SLC4A5: variants seen among roughly 807,000 people sequenced by gnomAD.
SLC4A5 encodes electrogenic sodium bicarbonate cotransporter 4.
SLC4A5 carries 96 observed loss-of-function variants against 120.4 expected under a neutral mutation model. The observed-to-expected ratio is 0.80, with a 90% CI of 0.68 to 0.94. The LOEUF is 0.94. SLC4A5 is among the 40% of genes least tolerant of loss of function. The pLI is 0.00. For synonymous variants in SLC4A5, 550 were observed against 571.1 expected (o/e 0.96, Z 0.53); for missense variants, 1,259 against 1,459.5 (o/e 0.86, Z 2.24).
At chr2:74,278,898 C>T (rs1174274596) in intron 8 of SLC4A5, among the ~76,000 whole-genome samples, 1 of 152,230 alleles carries the variant, frequency 6.6e-6, no homozygotes, top group Non-Finnish European at 1.5e-5. Context: ...GCTTACCTGG[C>T]TCATGTATAC....
intron 7 of SLC4A5, 59 bp downstream of exon 7, chr2:74,304,430 G>T: frequency 6.7e-7 from 1 of 1,491,198 alleles, no homozygotes. Flanking sequence ...GCCCTGCTGG[G>T]TCCCATCTGG....
At chr2:74,332,967 G>A (rs1053372281) in intron 4 of SLC4A5, among the ~76,000 whole-genome samples, 1 of 152,170 alleles carries the variant, frequency 6.6e-6, no homozygotes, top group Non-Finnish European at 1.5e-5. Context: ...TGGCACTGAA[G>A]TAAATGCTTG....
At chr2:74,296,189 G>A (rs1672317870) in intron 7 of SLC4A5, among the ~76,000 whole-genome samples, 1 of 152,064 alleles carries the variant, frequency 6.6e-6, no homozygotes, top group Non-Finnish European at 1.5e-5. Context: ...TGCAGTATAT[G>A]TTGAAAATTC....
At chr2:74,264,119 A>C in intron 10 of SLC4A5, 28 bp downstream of exon 10, 1 of 1,607,234 alleles carries the variant, frequency 6.2e-7, no homozygotes, top group Non-Finnish European at 8.5e-7. Context: ...TGCATGTCCC[A>C]TGCCTACCAG....
rs1670059569 is a variant in SLC4A5, at chr2:74,230,947, C to T, written c.2847+289G>A. Among the ~76,000 whole-genome samples, 5 of 152,158 alleles carry T rather than the reference C, an allele frequency of 3.3e-5. 1 individual carries two copies. In the South Asian group the frequency reaches 6.2e-4, roughly 19 times the overall value. ...TCAGCCTCCCGAGTAGCTGTGATTA[C>T]AGGCACGTGCCACCATGCCTGGTTA... On this transcript the variant is annotated intron_variant, in intron 25 of 30. Transcript: ENST00000394019.
At chr2:74,262,794 C>G (rs780815596) in intron 10 of SLC4A5, among the ~76,000 whole-genome samples, 23 of 152,062 alleles carry the variant, frequency 1.5e-4, no homozygotes, top group Non-Finnish European at 2.9e-4. Flanking sequence ...GTGTAGTAGA[C>G]TGCTTGGGTT....
intron 19 of SLC4A5, among the ~76,000 whole-genome samples, chr2:74,243,039 G>A (rs1009177346): frequency 6.6e-6 from 1 of 152,214 alleles, no homozygotes; most frequent in Non-Finnish European, 1.5e-5. Flanking sequence ...TGCAAGTTGA[G>A]GAAAGTTAAA....
In SLC4A5 at chr2:74,240,889, T is replaced by TA. The variant is rs1358367257; in HGVS notation, c.2118+1104dup. Among the ~76,000 whole-genome samples, 5 of 152,212 alleles carry TA rather than the reference T, an allele frequency of 3.3e-5. No individual in the cohort carries two copies. The East Asian group carries it at 7.7e-4, about 23-fold the overall frequency. On this transcript the variant is annotated intron_variant, in intron 20 of 30. Coordinates refer to ENST00000394019, the Ensembl canonical transcript of SLC4A5. ...ACTTAAGAAGCAACCTTGGAGACAG[T>TA]AAAAGCTCACAAATGTCCCCCAAGT...
chr2:74,281,425 G>T (rs924046641), intron 8 of SLC4A5, among the ~76,000 whole-genome samples: 1 of 152,152 alleles, frequency 6.6e-6, no homozygotes, highest in Non-Finnish European at 1.5e-5. Flanking sequence ...TAGAATTCTG[G>T]GTAAATAGTT....
rs746918908 is a variant in SLC4A5 at position 74,262,234 on chromosome 2, TG to T, written c.716-3del. ...CAGGGCTCCGGGCAGGACTGCGATCTGGGAGGAGAATCAGAAGGGACTTGGC... is the reference window on the plus strand; with the variant it reads ...CAGGGCTCCGGGCAGGACTGCGATCTGGAGGAGAATCAGAAGGGACTTGGC... On this transcript the variant is annotated splice_polypyrimidine_tract_variant and splice_region_variant and intron_variant, in intron 10 of 30. Transcript: ENST00000394019. The T allele has an allele frequency of 6.2e-7, 1 of 1,613,402 alleles. No homozygotes were observed. The highest frequency in any genetic ancestry group is 1.7e-5 in the Admixed American group (1 of 59,992).
intron 25 of SLC4A5, among the ~76,000 whole-genome samples, chr2:74,228,766 C>T (rs1051768704): frequency 6.6e-6 from 1 of 151,674 alleles, no homozygotes; most frequent in African/African-American, 2.4e-5. Context: ...TCATCACCAA[C>T]TAACCACCAA....
chr2:74,256,638 G>A (rs886411920), intron 12 of SLC4A5, among the ~76,000 whole-genome samples: 6 of 152,204 alleles, frequency 3.9e-5, no homozygotes, highest in Admixed American at 6.5e-5. Flanking sequence ...AGAGGTACTG[G>A]AGACAAGCCC....
At chr2:74,233,480 G>T (rs369807491) in exon 23 of SLC4A5, 2 of 1,614,202 alleles carry the variant, frequency 1.2e-6, no homozygotes, top group Non-Finnish European at 1.7e-6. Flanking sequence ...TCACCAGCAG[G>T]GCGGGCAGGA....
exon 19 of SLC4A5, chr2:74,247,178 G>A (rs1397385115): frequency 1.9e-6 from 3 of 1,614,240 alleles, no homozygotes; most frequent in Admixed American, 1.7e-5. Context: ...GGGTGGAGAA[G>A]CCCTCCTCGG....
chr2:74,249,991 A>T (rs907856582), intron 17 of SLC4A5, among the ~76,000 whole-genome samples: 2 of 152,196 alleles, frequency 1.3e-5, no homozygotes, highest in African/African-American at 4.8e-5. Flanking sequence ...GTTAGTTTTT[A>T]AAAAGTGTGG....
intron 7 of SLC4A5, among the ~76,000 whole-genome samples, chr2:74,298,719 T>C (rs1018606058): frequency 1.3e-5 from 2 of 151,988 alleles, no homozygotes; most frequent in Admixed American, 6.6e-5. Context: ...CTCATACAAC[T>C]CAATAGCAAA....
chr2:74,230,141 T>A (rs1219383942), intron 25 of SLC4A5, among the ~76,000 whole-genome samples: 2 of 152,048 alleles, frequency 1.3e-5, no homozygotes, highest in Non-Finnish European at 2.9e-5. Context: ...TGCCTGGTCA[T>A]GAGCTGTTTT....
intron 24 of SLC4A5, among the ~76,000 whole-genome samples, chr2:74,232,162 A>T (rs1230907591): frequency 1.3e-5 from 2 of 152,200 alleles, no homozygotes; most frequent in Admixed American, 1.3e-4. Context: ...GGAAAAGGGC[A>T]GGACAGCACG....
chr2:74,280,661 G>C (rs182687753), intron 8 of SLC4A5, among the ~76,000 whole-genome samples: 1 of 151,154 alleles, frequency 6.6e-6, no homozygotes. Flanking sequence ...GATGGGAAAT[G>C]ATGTTAAGAG....
Sources: allele counts gnomAD v4.1 joint callset (sites outside exome capture counted in the v4.1 genomes callset), GRCh38; gene constraint gnomAD v4.1.1; transcripts MANE v1.5; gene names NCBI Gene and HGNC (gene_info 2026-07-23, HGNC 2026-07-21).